The following SLC15A2 variants were observed in gnomAD, a reference collection of about 807,000 sequenced individuals.
SLC15A2 encodes the protein kidney H(+)/peptide cotransporter.
SLC15A2 carries 77 observed loss-of-function variants against 95.5 expected under a neutral mutation model. That is an observed-to-expected ratio of 0.81 (90% confidence interval 0.67 to 0.97). SLC15A2 has a LOEUF of 0.97. Ranked by LOEUF, SLC15A2 falls within the 50% of genes least tolerant of loss-of-function variation. The pLI is 0.00. For missense variants in SLC15A2, 893 were observed against 874.4 expected, an observed-to-expected ratio of 1.02 and a Z score of -0.27; for synonymous variants, 306 against 306.9, an observed-to-expected ratio of 1.00 and a Z score of 0.03.
Position 121,923,035 on chromosome 3 carries a change from C to T in SLC15A2, c.868-5C>T, listed in dbSNP as rs377191719. On this transcript the variant is annotated splice_polypyrimidine_tract_variant and splice_region_variant and intron_variant, in intron 9 of 21. Transcript: ENST00000489711. ...ATTTCTGCCCATTCTTCCTCCTTTT[C>T]GCAGAAGCAGCTCATTATGGATGTA... 159 of 1,613,040 alleles carry T rather than the reference C, an allele frequency of 9.9e-5. 1 individual carries two copies. The African/African-American group carries it at 1.7e-3, about 17-fold the overall frequency.
In SLC15A2 at chr3:121,929,290, C is replaced by T. The variant is rs746853025; in HGVS notation, c.1507-12C>T. 5 of 1,613,462 alleles carry T rather than the reference C, an allele frequency of 3.1e-6. No homozygotes were observed. Among genetic ancestry groups the T allele is most frequent in the Non-Finnish European group, 2.5e-6 (3 of 1,179,704 alleles). On this transcript the variant is annotated splice_polypyrimidine_tract_variant and intron_variant, in intron 16 of 21. Coordinates refer to ENST00000489711, the MANE Select transcript of SLC15A2 (RefSeq NM_021082.4). ...ATCAGCTGTTACTGATTTTTACTTT[C>T]CTCTGTTGTAGGTAAAGGATACAGA...
At chr3:121,919,844 GA>G (rs546984922) in intron 7 of SLC15A2, among the ~76,000 whole-genome samples, 2 of 152,338 alleles carry the variant, frequency 1.3e-5, no homozygotes, top group African/African-American at 4.8e-5. Flanking sequence ...GAAAGAGGTT[GA>G]AGATACAAGA....
chr3:121,936,707 A>G (rs1710355430), intron 19 of SLC15A2, among the ~76,000 whole-genome samples: 1 of 149,442 alleles, frequency 6.7e-6, no homozygotes, highest in African/African-American at 2.5e-5. Context: ...ATGGGTCTTG[A>G]CTCTTTATCC....
At position 121,934,379 on chromosome 3, in the gene SLC15A2, T is replaced by C. The variant is rs922845160; in HGVS notation, c.1761+2644T>C. 9.3e-3 allele frequency among the ~76,000 whole-genome samples: 1,417 copies of C among 152,214 alleles called. 14 individuals carry two copies. Among genetic ancestry groups the C allele is most frequent in the African/African-American group, 0.032 (1,322 of 41,520 alleles). ...AGTATGGCCATTTTCACAATATTGA[T>C]TCTTCCTACCCATGAGCATGGAATG... On this transcript the variant is annotated intron_variant, in intron 19 of 21. Coordinates refer to ENST00000489711, the MANE Select transcript of SLC15A2 (RefSeq NM_021082.4).
intron 3 of SLC15A2, among the ~76,000 whole-genome samples, chr3:121,906,782 G>T (rs1218974416): frequency 6.6e-6 from 1 of 152,150 alleles, no homozygotes; most frequent in East Asian, 1.9e-4. Context: ...CTCTCTGGCT[G>T]CCCTTAACAT....
At chr3:121,897,607 T>C (rs1709443603) in intron 3 of SLC15A2, 78 bp downstream of exon 3, 2 of 1,452,206 alleles carry the variant, frequency 1.4e-6, no homozygotes, top group African/African-American at 2.8e-5. Flanking sequence ...CTCTTGCTTC[T>C]GAGTAAGAAC....
Position 121,942,903 on chromosome 3 carries a change from T to C in SLC15A2, c.*1896T>C, listed in dbSNP as rs1213256431. 1.3e-5 allele frequency: 2 copies of C among 152,204 alleles called. No homozygotes were observed. Among genetic ancestry groups the C allele is most frequent in the Non-Finnish European group, 2.9e-5 (2 of 68,030 alleles). 9.4% of individuals were successfully genotyped at this position (152,204 alleles called of 1,614,324 possible). A position where few individuals can be genotyped will look rare whatever the true frequency, so the allele number is the denominator to read the frequency against. On this transcript the variant is annotated 3_prime_UTR_variant, in exon 22 of 22. Coordinates refer to ENST00000489711, the MANE Select transcript of SLC15A2 (RefSeq NM_021082.4). ...AAAAAACTGTTGAGCAGTTCTTCCT[T>C]GTAAGTGCTGAGCTTCCTCTCTGAA...
chr3:121,924,140 T>C (rs1710063562), intron 11 of SLC15A2, among the ~76,000 whole-genome samples: 2 of 152,206 alleles, frequency 1.3e-5, no homozygotes, highest in Admixed American at 1.3e-4. Flanking sequence ...CTTAGGCCCA[T>C]CTGCCTGGCA....
intron 7 of SLC15A2, among the ~76,000 whole-genome samples, chr3:121,921,166 AG>A (rs1709997886): frequency 6.6e-6 from 1 of 152,272 alleles, no homozygotes; most frequent in Non-Finnish European, 1.5e-5. Context: ...GAAATAGTAT[AG>A]AACAGAAGTG....
intron 7 of SLC15A2, among the ~76,000 whole-genome samples, chr3:121,919,707 C>G (rs1425964080): frequency 6.6e-6 from 1 of 152,082 alleles, no homozygotes; most frequent in Non-Finnish European, 1.5e-5. Context: ...CCGTGTCTGC[C>G]TAGGAATTTA....
chr3:121,928,783 T>G (rs973483413), intron 15 of SLC15A2, among the ~76,000 whole-genome samples, 199 bp from the exon 16 acceptor site: 2 of 152,198 alleles, frequency 1.3e-5, no homozygotes, highest in African/African-American at 4.8e-5. Flanking sequence ...ACAATGAACA[T>G]TCTTATTCAT....
chr3:121,921,381 T>C (rs1710002257), intron 7 of SLC15A2, among the ~76,000 whole-genome samples: 1 of 152,208 alleles, frequency 6.6e-6, no homozygotes, highest in South Asian at 2.1e-4. Context: ...AATACATAGA[T>C]TTTTGAGTCA....
chr3:121,897,677 T>A (rs898188001), intron 3 of SLC15A2, 148 bp downstream of exon 3: 16 of 730,938 alleles, frequency 2.2e-5, no homozygotes, highest in Middle Eastern at 8.2e-4. Flanking sequence ...GTGGGAAATT[T>A]AAAAAAAAAG....
chr3:121,929,321 G>A lies in SLC15A2; in HGVS notation c.1526G>A (p.Arg509Lys), dbSNP rs1143672. Residue 509 changes from arginine to lysine, a missense_variant, in exon 17 of 22, where the codon AGA becomes AAA. Arg to Lys is a conservative substitution (Grantham distance 26). Coordinates refer to ENST00000489711, the MANE Select transcript of SLC15A2 (RefSeq NM_021082.4). Reference sequence around the variant, plus strand: ...TTGTAGGTAAAGGATACAGAAAGCAGAACAACCAATGGGATGACAACCGTG... The same window carrying A: ...TTGTAGGTAAAGGATACAGAAAGCAAAACAACCAATGGGATGACAACCGTG... Reference protein sequence around the residue: ...SSMMVKDTESRTTNGMTTVRF... With the variant: ...SSMMVKDTESKTTNGMTTVRF... The A allele has an allele frequency of 0.45, 732,271 of 1,612,066 alleles. 171,172 individuals carry two copies. The highest frequency in any genetic ancestry group is 0.72 in the East Asian group (32,277 of 44,858).
chr3:121,931,712 G>T lies in SLC15A2; in HGVS notation c.1738G>T (p.Ala580Ser). 6.2e-7 allele frequency: 1 copy of T among 1,611,598 alleles called. No individual in the cohort carries two copies. The highest frequency in any genetic ancestry group is 8.5e-7 in the Non-Finnish European group (1 of 1,177,834). Residue 580 changes from alanine (A) to serine (S), a missense_variant, in exon 19 of 22, where the codon GCA becomes TCA. By Grantham distance (99) the Ala-to-Ser change is moderately conservative. Transcript: ENST00000489711. ...TTTGGGTCTTCTAGACTTTGGTGCA[G>T]CATATCTGTTTGTTATTACTAATGT... ...LNLGLLDFGA[A>S]YLFVITNNTN...
rs202006122 is a variant in SLC15A2, at chr3:121,903,502, T to C, written c.335+5973T>C. ...GTTTTAGGTCTAACATGTAAGTCTT[T>C]AATCCATCTTGAATTAATTTTTGTA... On this transcript the variant is annotated intron_variant, in intron 3 of 21. Coordinates refer to ENST00000489711, the MANE Select transcript of SLC15A2 (RefSeq NM_021082.4). Among the ~76,000 whole-genome samples the C allele has an allele frequency of 1.3e-4, 20 of 152,346 alleles. No individual in the cohort carries two copies. In the East Asian group the frequency reaches 3.7e-3, roughly 28 times the overall value.
At chr3:121,914,973 C>T in intron 5 of SLC15A2, 1 of 1,217,204 alleles carries the variant, frequency 8.2e-7, no homozygotes, top group Non-Finnish European at 1.0e-6. Flanking sequence ...GCACTGAAGA[C>T]AGGAAGATTA....
At chr3:121,932,857 C>T (rs1710259317) in intron 19 of SLC15A2, among the ~76,000 whole-genome samples, 1 of 152,078 alleles carries the variant, frequency 6.6e-6, no homozygotes, top group Non-Finnish European at 1.5e-5. Context: ...GTGCGCTGCA[C>T]CCACTAACTC....
At chr3:121,927,532 C>G (rs79921699) in intron 13 of SLC15A2, 3 of 462,444 alleles carry the variant, frequency 6.5e-6, no homozygotes, top group African/African-American at 1.9e-5. Flanking sequence ...GAAAGCTCCT[C>G]GATGCTTCAC....
Sources: gnomAD v4.1 joint callset for allele counts (sites outside exome capture counted in the v4.1 genomes callset) on GRCh38, gnomAD v4.1.1 for gene constraint, MANE v1.5 for transcripts, NCBI Gene and HGNC (gene_info 2026-07-23, HGNC 2026-07-21) for gene names.